Variants in LRRC4C observed in about 807,000 individuals in gnomAD.
LRRC4C encodes the protein leucine-rich repeat-containing protein 4C.
In LRRC4C, 5 loss-of-function variants were observed where a neutral mutation model predicts 33.6. The ratio of observed to expected loss-of-function variants is 0.15; its 90% CI spans 0.08 to 0.31. The LOEUF is 0.31. LRRC4C is among the 10% of genes least tolerant of loss of function. The pLI is 1.00. For synonymous variants in LRRC4C, 329 were observed against 302.0 expected, an observed-to-expected ratio of 1.09 and a Z score of -0.93; for missense variants, 560 against 796.7, an observed-to-expected ratio of 0.70 and a Z score of 3.58.
At chr11:40,675,691 A>T (rs1344546714) in intron 2 of LRRC4C, among the ~76,000 whole-genome samples, 1 of 152,204 alleles carries the variant, frequency 6.6e-6, no homozygotes, top group Non-Finnish European at 1.5e-5. Flanking sequence ...GGTGCATTGT[A>T]AGTGTATAAG....
At chr11:40,786,226 G>T (rs1030695365) in intron 2 of LRRC4C, among the ~76,000 whole-genome samples, 4 of 151,980 alleles carry the variant, frequency 2.6e-5, no homozygotes, top group Non-Finnish European at 4.4e-5. Context: ...CCTTTGCATG[G>T]CCTCATGATG....
chr11:40,530,167 T>C (rs888608460), intron 3 of LRRC4C, among the ~76,000 whole-genome samples: 3 of 152,070 alleles, frequency 2.0e-5, no homozygotes, highest in African/African-American at 7.2e-5. Context: ...CTTAAAAACA[T>C]TTTCTCTGGT....
In LRRC4C at chr11:41,290,802, C is replaced by G. The variant is rs112158146; in HGVS notation, c.-496+168629G>C. 5.2e-3 allele frequency among the ~76,000 whole-genome samples: 796 copies of G among 152,168 alleles called. 3 individuals are homozygous for G. The highest frequency in any genetic ancestry group is 0.017 in the African/African-American group (714 of 41,522). ...CTAGGTTTATGGAGAGAGATTAAAA[C>G]AAACAAAGGTCTTAGTACAATCCAA... is the stretch of plus-strand genomic sequence containing the variant. On this transcript the variant is annotated intron_variant, in intron 1 of 6. Transcript: ENST00000528697.
chr11:40,298,410 A>T (rs573188265), intron 4 of LRRC4C, among the ~76,000 whole-genome samples: 1 of 151,058 alleles, frequency 6.6e-6, no homozygotes, highest in South Asian at 2.1e-4. Context: ...GGTCTCAGCT[A>T]TAGTCACTGG....
intron 3 of LRRC4C, chr11:40,446,789 A>T (rs537223867): frequency 6.6e-6 from 1 of 152,236 alleles, no homozygotes; most frequent in East Asian, 1.9e-4. Flanking sequence ...CACTTATAAA[A>T]CCATCAGATC....
chr11:40,469,647 G>A (rs1001519775), intron 3 of LRRC4C, among the ~76,000 whole-genome samples: 2 of 152,178 alleles, frequency 1.3e-5, no homozygotes, highest in Non-Finnish European at 2.9e-5. Context: ...AATTCTTGCT[G>A]CCAGGACAGC....
chr11:40,843,223 T>C (rs770578179), intron 2 of LRRC4C, among the ~76,000 whole-genome samples: 7 of 152,134 alleles, frequency 4.6e-5, no homozygotes, highest in Non-Finnish European at 7.4e-5. Context: ...TCTAGTCTAC[T>C]ATTATTATTC....
Position 40,301,422 on chromosome 11 carries a change from T to A in LRRC4C, c.-176+18206A>T, listed in dbSNP as rs562021260. On this transcript the variant is annotated intron_variant, in intron 4 of 6. Coordinates refer to ENST00000528697, the MANE Select transcript of LRRC4C (RefSeq NM_001258419.2). ...GGGAAGAAAATTGCCCATAAAGGTA[T>A]CTTTAAAACTTCACCAGGAATTAGG... 2.6e-5 allele frequency among the ~76,000 whole-genome samples: 4 copies of A among 152,338 alleles called. No individual in the cohort carries two copies. In the East Asian group the frequency reaches 5.8e-4, roughly 22 times the overall value.
At chr11:41,234,967 G>T (rs539123181) in intron 1 of LRRC4C, among the ~76,000 whole-genome samples, 2 of 151,954 alleles carry the variant, frequency 1.3e-5, no homozygotes, top group South Asian at 2.1e-4. Context: ...AGAGCCTGGA[G>T]ACCCTGAAAA....
chr11:41,092,779 C>T (rs1235410577), intron 1 of LRRC4C, among the ~76,000 whole-genome samples: 1 of 152,200 alleles, frequency 6.6e-6, no homozygotes, highest in African/African-American at 2.4e-5. Context: ...AGCATCCAGA[C>T]TTGCAATTAG....
chr11:40,823,998 G>T (rs1952050814), intron 2 of LRRC4C, among the ~76,000 whole-genome samples: 1 of 151,892 alleles, frequency 6.6e-6, no homozygotes, highest in Non-Finnish European at 1.5e-5. Context: ...CTGTTAGATG[G>T]ACGGAACTCA....
chr11:41,185,294 G>T (rs1945643925), intron 1 of LRRC4C, among the ~76,000 whole-genome samples: 1 of 152,086 alleles, frequency 6.6e-6, no homozygotes, highest in Non-Finnish European at 1.5e-5. Context: ...TTACTAAAAT[G>T]ATTAGGGCAG....
At chr11:41,132,512 GA>G (rs888812925) in intron 1 of LRRC4C, among the ~76,000 whole-genome samples, 6 of 151,856 alleles carry the variant, frequency 4.0e-5, no homozygotes, top group African/African-American at 1.5e-4. Flanking sequence ...TTGTATAAGA[GA>G]AAAAAATTCT....
At chr11:41,375,287 T>C (rs920848678) in intron 1 of LRRC4C, among the ~76,000 whole-genome samples, 1 of 152,164 alleles carries the variant, frequency 6.6e-6, no homozygotes, top group Admixed American at 6.5e-5. Flanking sequence ...GAAAGTTTAA[T>C]GCCAGGTGCT....
At chr11:41,236,919 C>A (rs1948049169) in intron 1 of LRRC4C, among the ~76,000 whole-genome samples, 1 of 152,178 alleles carries the variant, frequency 6.6e-6, no homozygotes, top group African/African-American at 2.4e-5. Flanking sequence ...GCAATATTAG[C>A]ATTGTTGTAA....
chr11:41,094,527 A>C (rs1940678730), intron 1 of LRRC4C, among the ~76,000 whole-genome samples: 1 of 152,196 alleles, frequency 6.6e-6, no homozygotes, highest in Admixed American at 6.5e-5. Flanking sequence ...CTGTCTCAAA[A>C]AATAAAAAAA....
chr11:41,290,073 A>G (rs922419773), intron 1 of LRRC4C, among the ~76,000 whole-genome samples: 6 of 152,216 alleles, frequency 3.9e-5, no homozygotes, highest in Non-Finnish European at 7.3e-5. Context: ...TGTGTTTTCC[A>G]CACACATTTT....
chr11:40,867,830 C>A (rs1954444033), intron 2 of LRRC4C, among the ~76,000 whole-genome samples: 1 of 152,202 alleles, frequency 6.6e-6, no homozygotes, highest in South Asian at 2.1e-4. Context: ...ATGACAAGTG[C>A]ACCTGATGCA....
chr11:41,355,120 C>T (rs7943313), intron 1 of LRRC4C, among the ~76,000 whole-genome samples: 158 of 152,008 alleles, frequency 1.0e-3, no homozygotes, highest in African/African-American at 3.5e-3. Context: ...CCAGAATGTA[C>T]AAGGAACTCA....
Sources: gnomAD v4.1 joint callset for allele counts (sites outside exome capture counted in the v4.1 genomes callset) on GRCh38, gnomAD v4.1.1 for gene constraint, MANE v1.5 for transcripts, NCBI Gene and HGNC (gene_info 2026-07-23, HGNC 2026-07-21) for gene names.